Variants in SLC35D4 observed in about 807,000 individuals in gnomAD.
SLC35D4 encodes the protein solute carrier family 35 member D4, also known as UDP-N-acetylglucosamine transporter SLC35D4.
At chr18:23,410,764 T>A in the SLC35D4 span, among the ~76,000 whole-genome samples, 3 of 152,024 alleles carry the variant, frequency 2.0e-5, no homozygotes, top group Non-Finnish European at 2.9e-5. Flanking sequence ...ACCACTGCAC[T>A]CCAGCCTGGG....
chr18:23,250,433 A>G, the SLC35D4 span, among the ~76,000 whole-genome samples: 2,006 of 152,312 alleles, frequency 0.013, 36 homozygotes, highest in African/African-American at 0.044. Flanking sequence ...TGAGGCGAGC[A>G]TGTTAGATGT....
the SLC35D4 span, among the ~76,000 whole-genome samples, chr18:23,390,931 A>C: frequency 6.6e-6 from 1 of 152,312 alleles, no homozygotes; most frequent in East Asian, 1.9e-4. Context: ...GCATGCAAGA[A>C]ATAATGTTCC....
chr18:23,397,752 G>T, the SLC35D4 span, among the ~76,000 whole-genome samples: 1 of 152,156 alleles, frequency 6.6e-6, no homozygotes, highest in East Asian at 1.9e-4. Context: ...CAAAAGGTGG[G>T]GAGTTAGAAG....
At chr18:23,315,257 C>T in the SLC35D4 span, among the ~76,000 whole-genome samples, 3 of 152,206 alleles carry the variant, frequency 2.0e-5, no homozygotes, top group Non-Finnish European at 4.4e-5. Context: ...TGCTTTTGCT[C>T]AGCAAGTTCT....
At chr18:23,350,339 T>A in the SLC35D4 span, among the ~76,000 whole-genome samples, 24 of 152,184 alleles carry the variant, frequency 1.6e-4, no homozygotes, top group African/African-American at 5.3e-4. Flanking sequence ...GTCAGAAATT[T>A]TGCTCCAACA....
chr18:23,255,540 C>T, the SLC35D4 span, among the ~76,000 whole-genome samples: 7 of 151,296 alleles, frequency 4.6e-5, no homozygotes, highest in Admixed American at 4.6e-4. Context: ...CTTATACAGA[C>T]ATCTGCTGAA....
At chr18:23,399,658 G>A in the SLC35D4 span, 9 of 1,613,148 alleles carry the variant, frequency 5.6e-6, no homozygotes, top group South Asian at 8.8e-5. Flanking sequence ...CTGAAAAGAG[G>A]GGAAAAAAGC....
chr18:23,286,522 G>A, the SLC35D4 span, among the ~76,000 whole-genome samples: 1 of 152,074 alleles, frequency 6.6e-6, no homozygotes, highest in Non-Finnish European at 1.5e-5. Context: ...CTTAGCGGCT[G>A]AAGACTGATG....
At chr18:23,349,267 CAT>C in the SLC35D4 span, among the ~76,000 whole-genome samples, 11 of 152,302 alleles carry the variant, frequency 7.2e-5, no homozygotes, top group East Asian at 1.7e-3. Context: ...TCTTATTACA[CAT>C]ATGTTTGTTG....
the SLC35D4 span, among the ~76,000 whole-genome samples, chr18:23,431,256 G>C: frequency 6.6e-6 from 1 of 152,024 alleles, no homozygotes; most frequent in Non-Finnish European, 1.5e-5. Context: ...CTTTTAGTTG[G>C]TGAAATGGAG....
chr18:23,306,850 G>A, the SLC35D4 span, among the ~76,000 whole-genome samples: 5 of 152,218 alleles, frequency 3.3e-5, no homozygotes, highest in Non-Finnish European at 7.3e-5. Context: ...ACAAAGGACA[G>A]AAGACCAGTG....
the SLC35D4 span, among the ~76,000 whole-genome samples, chr18:23,385,752 T>G: frequency 1.3e-5 from 2 of 152,264 alleles, no homozygotes; most frequent in African/African-American, 4.8e-5. Flanking sequence ...TAACACGATC[T>G]GCATGTTTAG....
At chr18:23,268,706 C>T in the SLC35D4 span, among the ~76,000 whole-genome samples, 223 of 152,172 alleles carry the variant, frequency 1.5e-3, no homozygotes, top group Non-Finnish European at 2.5e-3. Flanking sequence ...CTAGGGACCC[C>T]GTGTTGCAGG....
chr18:23,316,487 A>T, the SLC35D4 span, among the ~76,000 whole-genome samples: 1 of 152,224 alleles, frequency 6.6e-6, no homozygotes, highest in African/African-American at 2.4e-5. Flanking sequence ...CCATCCTATG[A>T]TTTATTACCA....
At chr18:23,362,454 C>T in the SLC35D4 span, among the ~76,000 whole-genome samples, 18 of 152,126 alleles carry the variant, frequency 1.2e-4, no homozygotes, top group African/African-American at 4.3e-4. Flanking sequence ...CAAAAATTAG[C>T]CAGGCATGGT....
chr18:23,246,583 G>GCA, the SLC35D4 span, among the ~76,000 whole-genome samples: 1 of 151,802 alleles, frequency 6.6e-6, no homozygotes, highest in Non-Finnish European at 1.5e-5. Context: ...AGTAGAGATG[G>GCA]GGTTTCACCG....
At chr18:23,426,150 T>C in the SLC35D4 span, among the ~76,000 whole-genome samples, 1 of 152,146 alleles carries the variant, frequency 6.6e-6, no homozygotes, top group African/African-American at 2.4e-5. Context: ...AATATCTAAA[T>C]GGTTTTATGA....
At chr18:23,319,148 TAGTA>T in the SLC35D4 span, among the ~76,000 whole-genome samples, 1 of 152,132 alleles carries the variant, frequency 6.6e-6, no homozygotes, top group African/African-American at 2.4e-5. Context: ...CCAACCTTCA[TAGTA>T]ATTTTGAAGA....
chr18:23,340,216 A>G, the SLC35D4 span, among the ~76,000 whole-genome samples: 4 of 152,128 alleles, frequency 2.6e-5, no homozygotes, highest in Non-Finnish European at 5.9e-5. Flanking sequence ...GCGTGCCTAT[A>G]GTCTCAGCCA....
Sources: allele counts gnomAD v4.1 joint callset (sites outside exome capture counted in the v4.1 genomes callset), GRCh38; gene constraint gnomAD v4.1.1; transcripts MANE v1.5; gene names NCBI Gene and HGNC (gene_info 2026-07-23, HGNC 2026-07-21).